RFC3: variants seen among roughly 807,000 people sequenced by gnomAD.
RFC3 encodes the protein A1 38 kDa subunit.
Under a neutral mutation model 45.1 loss-of-function variants are expected in RFC3, and 41 were observed. That is an observed-to-expected ratio of 0.91 (90% CI 0.71 to 1.18). The LOEUF (loss-of-function observed/expected upper bound fraction) is 1.18. Ranked by LOEUF, RFC3 falls within the 50% of genes most tolerant of loss-of-function variation. The probability of loss-of-function intolerance (pLI) is 0.00; values close to 1 mark genes in which losing one functional copy is unlikely to be tolerated. For missense variants in RFC3, 423 were observed against 428.1 expected, an observed-to-expected ratio of 0.99 and a Z score of 0.10; for synonymous variants, 149 against 144.0, an observed-to-expected ratio of 1.03 and a Z score of -0.25.
At chr13:33,818,916 G>A (rs1214160891) in intron 1 of RFC3, among the ~76,000 whole-genome samples, 2 of 128,946 alleles carry the variant, frequency 1.6e-5, no homozygotes, top group East Asian at 4.5e-4. Context: ...TTGAGACGGA[G>A]TTTAGCTGTT....
chr13:33,835,604 T>G (rs1398002131), intron 8 of RFC3: 2 of 394,764 alleles, frequency 5.1e-6, no homozygotes, highest in East Asian at 1.3e-4. Context: ...TCTTTTCTAT[T>G]CACATAGAAA....
chr13:33,896,995 T>A (rs2082604201), intron 8 of RFC3, among the ~76,000 whole-genome samples: 1 of 151,686 alleles, frequency 6.6e-6, no homozygotes, highest in African/African-American at 2.4e-5. Context: ...AGGGAGTTCT[T>A]CAACCTGAAA....
the RFC3 span, among the ~76,000 whole-genome samples, chr13:33,973,059 A>T: frequency 6.2e-4 from 95 of 152,328 alleles, 4 homozygotes; most frequent in African/African-American, 2.2e-3. Flanking sequence ...AAAATAACAC[A>T]AATTATTTTA....
At chr13:33,890,156 T>A (rs1352685327) in intron 8 of RFC3, among the ~76,000 whole-genome samples, 3 of 152,124 alleles carry the variant, frequency 2.0e-5, no homozygotes, top group Admixed American at 1.3e-4. Context: ...GTATGTAAAC[T>A]GTGTGGGGTG....
At chr13:33,960,216 CAAACA>C (rs2083048216) in intron 8 of RFC3, among the ~76,000 whole-genome samples, 1 of 152,058 alleles carries the variant, frequency 6.6e-6, no homozygotes, top group African/African-American at 2.4e-5. Flanking sequence ...AACCAAAAAA[CAAACA>C]AAACAAAACA....
chr13:33,881,616 G>A (rs142460869), intron 8 of RFC3, among the ~76,000 whole-genome samples: 4 of 152,046 alleles, frequency 2.6e-5, no homozygotes, highest in South Asian at 2.1e-4. Flanking sequence ...GGGCTATTTC[G>A]AGGGTCTATC....
intron 8 of RFC3, among the ~76,000 whole-genome samples, chr13:33,925,272 A>G: frequency 1.5e-5 from 1 of 65,222 alleles, no homozygotes; most frequent in South Asian, 4.8e-4. Context: ...TGTACTATAT[A>G]CATACACATA....
chr13:33,828,884 G>A (rs371664241), intron 4 of RFC3, among the ~76,000 whole-genome samples: 2 of 152,126 alleles, frequency 1.3e-5, no homozygotes, highest in African/African-American at 2.4e-5. Flanking sequence ...GTATGTTCCC[G>A]TGGGTGATTT....
rs7991411 is a variant in RFC3 at position 33,963,015 on chromosome 13, A to G, written c.880-3072A>G. ...CAGGAATTCAATAAATGGTATATAC[A>G]TATATAAATTTAAAATATTACTACC... On this transcript the variant is annotated intron_variant, in intron 8 of 8. Transcript: ENST00000434425. 6.0e-3 allele frequency among the ~76,000 whole-genome samples: 912 copies of G among 152,260 alleles called. 7 individuals are homozygous for G. The highest frequency in any genetic ancestry group is 0.021 in the African/African-American group (877 of 41,574).
At chr13:33,854,948 A>G (rs2082299309) in intron 8 of RFC3, among the ~76,000 whole-genome samples, 2 of 123,602 alleles carry the variant, frequency 1.6e-5, no homozygotes, top group Admixed American at 1.7e-4. Context: ...AACTTAAGTC[A>G]TCCTGATTTC....
intron 8 of RFC3, among the ~76,000 whole-genome samples, chr13:33,936,716 G>A (rs372630586): frequency 6.6e-6 from 1 of 152,268 alleles, no homozygotes; most frequent in South Asian, 2.1e-4. Context: ...TTAAAAGGAA[G>A]CAATCCTGCC....
intron 8 of RFC3, among the ~76,000 whole-genome samples, chr13:33,909,495 C>T (rs1384340145): frequency 6.6e-6 from 1 of 151,952 alleles, no homozygotes; most frequent in African/African-American, 2.4e-5. Flanking sequence ...TCCTATTGTT[C>T]CTCTTACTTT....
intron 1 of RFC3, among the ~76,000 whole-genome samples, chr13:33,820,811 C>T (rs79511446): frequency 0.064 from 9,640 of 151,724 alleles, 633 homozygotes; most frequent in East Asian, 0.16. Flanking sequence ...TGGGAGTTCC[C>T]GCTTTCTAGC....
intron 8 of RFC3, among the ~76,000 whole-genome samples, chr13:33,958,749 C>T (rs540535453): frequency 2.4e-4 from 37 of 152,286 alleles, no homozygotes; most frequent in South Asian, 6.2e-4. Context: ...TTGACACCAG[C>T]CACTTGACCT....
chr13:33,889,036 G>A (rs1174605380), intron 8 of RFC3, among the ~76,000 whole-genome samples: 3 of 152,146 alleles, frequency 2.0e-5, no homozygotes, highest in East Asian at 1.9e-4. Flanking sequence ...GAGCCATCGC[G>A]CCCGGCCCTT....
intron 5 of RFC3, 65 bp from the exon 6 acceptor site, chr13:33,830,654 T>G (rs1323975546): frequency 7.4e-7 from 1 of 1,343,664 alleles, no homozygotes; most frequent in Non-Finnish European, 1.0e-6. Context: ...TAGGAGGATA[T>G]CAACAGAAAT....
intron 2 of RFC3, among the ~76,000 whole-genome samples, chr13:33,822,256 A>G (rs989158292): frequency 6.6e-6 from 1 of 152,238 alleles, no homozygotes; most frequent in East Asian, 1.9e-4. Context: ...GGGACAATAA[A>G]CAGCCAGTCA....
intron 8 of RFC3, among the ~76,000 whole-genome samples, chr13:33,965,576 C>G (rs1439775085): frequency 6.6e-6 from 1 of 152,122 alleles, no homozygotes; most frequent in African/African-American, 2.4e-5. Flanking sequence ...CTGTATGTTC[C>G]TCACACGGGT....
At chr13:33,832,896 C>G (rs1164668574) in intron 7 of RFC3, among the ~76,000 whole-genome samples, 1 of 152,152 alleles carries the variant, frequency 6.6e-6, no homozygotes, top group African/African-American at 2.4e-5. Context: ...TGATAATTAT[C>G]ACGTGCTTTT....
Sources: allele counts gnomAD v4.1 joint callset (sites outside exome capture counted in the v4.1 genomes callset), GRCh38; gene constraint gnomAD v4.1.1; transcripts MANE v1.5; gene names NCBI Gene and HGNC (gene_info 2026-07-23, HGNC 2026-07-21).